The following ULK2 variants were observed in gnomAD, a reference collection of about 807,000 sequenced individuals.
The protein encoded by ULK2 is serine/threonine-protein kinase ULK2.
ULK2 carries 76 observed loss-of-function variants against 127.5 expected under a neutral mutation model. The ratio of observed to expected loss-of-function variants is 0.60; its 90% CI spans 0.50 to 0.72. The LOEUF (loss-of-function observed/expected upper bound fraction) is 0.72. Ranked by LOEUF, ULK2 falls within the 30% of genes least tolerant of loss-of-function variation. The probability of loss-of-function intolerance (pLI) is 0.00; values close to 1 mark genes in which losing one functional copy is unlikely to be tolerated. For synonymous variants in ULK2, 452 were observed against 461.9 expected (o/e 0.98, Z 0.28); for missense variants, 1,144 against 1,295.9 (o/e 0.88, Z 1.80).
chr17:19,840,474 C>T (rs1175903992), intron 9 of ULK2: 9 of 460,376 alleles, frequency 2.0e-5, no homozygotes, highest in Middle Eastern at 8.3e-4. Context: ...AAAACTTATC[C>T]GGGAAGGAAA....
intron 18 of ULK2, 156 bp from the exon 19 acceptor site, chr17:19,796,438 AG>A (rs1193908036): frequency 4.4e-6 from 3 of 684,022 alleles, no homozygotes; most frequent in African/African-American, 1.8e-5. Context: ...CCTTCTTGGA[AG>A]GCCGGGAGGT....
rs559867561 is a variant in ULK2 at position 19,772,541 on chromosome 17, T to A, written c.*3808A>T. 3.3e-5 allele frequency: 5 copies of A among 152,354 alleles called. No individual in the cohort carries two copies. In the South Asian group the frequency reaches 1.0e-3, roughly 32 times the overall value. The allele number at this position is 152,354 out of a possible 1,614,324, so 9.4% of individuals were successfully genotyped here. A position where few individuals can be genotyped will look rare whatever the true frequency, so the allele number is the denominator to read the frequency against. On this transcript the variant is annotated 3_prime_UTR_variant, in exon 27 of 27. Transcript: ENST00000395544. ...ACCAAGTTCTCTGAGCAGTAGCTACTGCCTGCCAAATAATCCTCCTTGAGA... is the reference window on the plus strand; with the variant it reads ...ACCAAGTTCTCTGAGCAGTAGCTACAGCCTGCCAAATAATCCTCCTTGAGA...
rs574824238 is a variant in ULK2 at position 19,770,869 on chromosome 17, A to C, written c.*5480T>G. On this transcript the variant is annotated 3_prime_UTR_variant, in exon 27 of 27. Coordinates refer to ENST00000395544, the MANE Select transcript of ULK2 (RefSeq NM_014683.4). ...GCTTGAGTTTATTAACATGTCTCCCAAGTCTTTTTTACTGGGAGTTTCAGG... is the reference window on the plus strand; with the variant it reads ...GCTTGAGTTTATTAACATGTCTCCCCAGTCTTTTTTACTGGGAGTTTCAGG... 6.6e-6 allele frequency: 1 copy of C among 152,270 alleles called. No individual in the cohort carries two copies. Among genetic ancestry groups the C allele is most frequent in the East Asian group, 1.9e-4 (1 of 5,180 alleles). 9.4% of individuals were successfully genotyped at this position (152,270 alleles called of 1,614,324 possible).
chr17:19,841,398 T>G, intron 9 of ULK2, 91 bp downstream of exon 9: 2 of 1,294,322 alleles, frequency 1.5e-6, no homozygotes, highest in Non-Finnish European at 1.1e-6. Context: ...TGAAAAAGAA[T>G]TAAAAAATGA....
At chr17:19,840,467 A>G (rs1030868079) in intron 9 of ULK2, 2 of 465,608 alleles carry the variant, frequency 4.3e-6, no homozygotes, top group Non-Finnish European at 8.4e-6. Context: ...GAAAAGAAAA[A>G]CTTATCCGGG....
intron 3 of ULK2, among the ~76,000 whole-genome samples, chr17:19,856,834 A>G (rs375787336): frequency 1.2e-3 from 179 of 148,136 alleles, no homozygotes; most frequent in East Asian, 0.012. Flanking sequence ...AAAATTAGCC[A>G]GGCATGGTGG....
intron 9 of ULK2, among the ~76,000 whole-genome samples, chr17:19,840,976 G>T: frequency 6.6e-6 from 1 of 152,128 alleles, no homozygotes; most frequent in East Asian, 1.9e-4. Context: ...ACAAAAGGAC[G>T]CTGCAAACAA....
chr17:19,845,511 C>A, intron 6 of ULK2, 134 bp from the exon 7 acceptor site: 5 of 612,274 alleles, frequency 8.2e-6, no homozygotes, highest in South Asian at 2.4e-5. Context: ...TTAGACTGTC[C>A]ACCAAAAAAA....
At chr17:19,803,327 C>T (rs982205383) in intron 15 of ULK2, among the ~76,000 whole-genome samples, 2 of 152,098 alleles carry the variant, frequency 1.3e-5, no homozygotes, top group Non-Finnish European at 2.9e-5. Flanking sequence ...TTTTTACTGC[C>T]TCATTAAGGA....
intron 10 of ULK2, among the ~76,000 whole-genome samples, chr17:19,830,548 A>C (rs1289107006): frequency 6.6e-6 from 1 of 151,330 alleles, no homozygotes; most frequent in African/African-American, 2.4e-5. Flanking sequence ...TATCTTTTCC[A>C]ATCACAATGG....
rs111536140 is a variant in ULK2, at chr17:19,854,096, C to T, written c.226-4322G>A. Among the ~76,000 whole-genome samples the T allele has an allele frequency of 7.9e-3, 1,194 of 151,990 alleles. 15 individuals are homozygous for T. Among genetic ancestry groups the T allele is most frequent in the African/African-American group, 0.027 (1,104 of 41,490 alleles). On this transcript the variant is annotated intron_variant, in intron 3 of 26. Coordinates refer to ENST00000395544, the MANE Select transcript of ULK2 (RefSeq NM_014683.4). ...GAGTTTGAGACCAGCCCGGCCAACACGGTGAAACCCATCTCTACTAAAAAC... is the reference window on the plus strand; with the variant it reads ...GAGTTTGAGACCAGCCCGGCCAACATGGTGAAACCCATCTCTACTAAAAAC...
intron 20 of ULK2, 151 bp downstream of exon 20, chr17:19,795,471 G>C: frequency 1.5e-6 from 1 of 652,072 alleles, no homozygotes; most frequent in South Asian, 1.8e-5. Context: ...GAAGGAAGAT[G>C]AGAGGATAGG....
intron 14 of ULK2, among the ~76,000 whole-genome samples, chr17:19,806,268 G>A (rs947957188): frequency 3.5e-5 from 5 of 143,088 alleles, no homozygotes; most frequent in African/African-American, 1.3e-4. Flanking sequence ...TTTCAATTTA[G>A]TAAGTAAACA....
At chr17:19,855,437 T>A (rs1291198952) in intron 3 of ULK2, among the ~76,000 whole-genome samples, 5 of 147,836 alleles carry the variant, frequency 3.4e-5, no homozygotes, top group Non-Finnish European at 7.5e-5. Context: ...CTATCTCTAC[T>A]AAAAATACAA....
chr17:19,839,395 T>A (rs1009449145), intron 9 of ULK2, among the ~76,000 whole-genome samples: 2 of 151,966 alleles, frequency 1.3e-5, no homozygotes, highest in Middle Eastern at 3.2e-3. Context: ...CTGGGCACGG[T>A]GTCTCACACC....
chr17:19,814,301 G>A (rs1306020114), intron 13 of ULK2, among the ~76,000 whole-genome samples: 2 of 150,464 alleles, frequency 1.3e-5, no homozygotes, highest in Non-Finnish European at 3.0e-5. Flanking sequence ...GCATGACAGA[G>A]AATATTAGTA....
At chr17:19,793,585 A>C (rs146617641) in intron 20 of ULK2, among the ~76,000 whole-genome samples, 2 of 152,312 alleles carry the variant, frequency 1.3e-5, no homozygotes, top group East Asian at 3.9e-4. Context: ...GAAAATACAG[A>C]GTTAGGCAAG....
Position 19,856,977 on chromosome 17 carries a change from C to CAAAA in ULK2, c.226-7207_226-7204dup, listed in dbSNP as rs1157706276. ...TGGTGACAAAGCGAGACTCCATCTC[C>CAAAA]AAAAAAAAAAAAAAAAAAAAAAAAA... On this transcript the variant is annotated intron_variant, in intron 3 of 26. Coordinates refer to ENST00000395544, the MANE Select transcript of ULK2 (RefSeq NM_014683.4). Among the ~76,000 whole-genome samples the CAAAA allele has an allele frequency of 3.3e-4, 7 of 21,320 alleles. No homozygotes were observed. The East Asian group carries it at 8.3e-3, about 25-fold the overall frequency. 14.0% of individuals were successfully genotyped at this position (21,320 alleles called of 152,430 possible). A position where few individuals can be genotyped will look rare whatever the true frequency, so the allele number is the denominator to read the frequency against.
At position 19,797,402 on chromosome 17, in the gene ULK2, A is replaced by G. The variant is rs1190005253; in HGVS notation, c.1803T>C (p.Pro601=). The G allele has an allele frequency of 5.0e-6, 8 of 1,612,550 alleles. No homozygotes were observed. The highest frequency in any genetic ancestry group is 5.9e-6 in the Non-Finnish European group (7 of 1,179,272). ...AAGGGTTTAATAAACAAACCTTAGT[A>G]GGAGAGCCAATGATTGTTGGCAAAG... ...KTPLPTIIGS[P]TKTTAPFKIP... Residue 601 remains proline, a synonymous_variant, in exon 18 of 27, where the codon CCT becomes CCC. Transcript: ENST00000395544.
Sources: allele counts gnomAD v4.1 joint callset (sites outside exome capture counted in the v4.1 genomes callset), GRCh38; gene constraint gnomAD v4.1.1; transcripts MANE v1.5; gene names NCBI Gene and HGNC (gene_info 2026-07-23, HGNC 2026-07-21).